KCNIP1: variants seen among roughly 807,000 people sequenced by gnomAD.
The protein encoded by KCNIP1 is A-type potassium channel modulatory protein KCNIP1.
Under a neutral mutation model 33.0 loss-of-function variants are expected in KCNIP1, and 18 were observed. That is an observed-to-expected ratio of 0.55 (90% confidence interval 0.38 to 0.81). KCNIP1 has a LOEUF of 0.81. KCNIP1 is among the 30% of genes least tolerant of loss of function. The pLI is 0.00. For synonymous variants in KCNIP1, 93 were observed against 98.3 expected (o/e 0.95, Z 0.32); for missense variants, 238 against 271.6 (o/e 0.88, Z 0.87).
intron 1 of KCNIP1, among the ~76,000 whole-genome samples, chr5:170,700,585 A>G (rs1187184492): frequency 6.6e-6 from 1 of 152,086 alleles, no homozygotes; most frequent in African/African-American, 2.4e-5. Flanking sequence ...AATATTATTC[A>G]TTTAATATCT....
intron 1 of KCNIP1, among the ~76,000 whole-genome samples, chr5:170,594,029 A>G (rs997930002): frequency 6.6e-6 from 1 of 152,260 alleles, no homozygotes; most frequent in Non-Finnish European, 1.5e-5. Context: ...GAGTCAAGAT[A>G]TAATTCTTGG....
At chr5:170,455,015 T>C (rs1323210328) in intron 1 of KCNIP1, among the ~76,000 whole-genome samples, 1 of 152,182 alleles carries the variant, frequency 6.6e-6, no homozygotes, top group Non-Finnish European at 1.5e-5. Flanking sequence ...ATCAGGAAGA[T>C]ACCACAATTA....
Position 170,495,643 on chromosome 5 carries a change from C to T in KCNIP1, c.88+141679C>T, listed in dbSNP as rs1424673416. 2.0e-5 allele frequency among the ~76,000 whole-genome samples: 3 copies of T among 152,246 alleles called. No individual in the cohort carries two copies. In the East Asian group the frequency reaches 5.8e-4, roughly 29 times the overall value. Reference sequence around the variant, plus strand: ...AGGGCAAACCCCTCTTGCTCCTGCCCTCCAACCAGTCACATATTCTTCCAG... The same window carrying T: ...AGGGCAAACCCCTCTTGCTCCTGCCTTCCAACCAGTCACATATTCTTCCAG... On this transcript the variant is annotated intron_variant, in intron 1 of 7. Coordinates refer to the KCNIP1 transcript ENST00000377360.
intron 1 of KCNIP1, chr5:170,639,591 T>G (rs1353990850): frequency 6.6e-6 from 1 of 152,228 alleles, no homozygotes; most frequent in Admixed American, 6.5e-5. Context: ...CATAAGGTTG[T>G]TCCTTGTAAT....
chr5:170,613,563 A>C (rs1281484580), intron 1 of KCNIP1, among the ~76,000 whole-genome samples: 1 of 152,034 alleles, frequency 6.6e-6, no homozygotes, highest in Admixed American at 6.6e-5. Context: ...CCTGAAGGAG[A>C]TGGGAGGGAG....
At chr5:170,447,380 G>A (rs1039762340) in intron 1 of KCNIP1, among the ~76,000 whole-genome samples, 6 of 152,166 alleles carry the variant, frequency 3.9e-5, no homozygotes, top group African/African-American at 1.2e-4. Flanking sequence ...CATAAAGCTG[G>A]AAATGCCACG....
intron 4 of KCNIP1, 63 bp from the exon 5 acceptor site, chr5:170,722,650 A>G: frequency 8.8e-7 from 1 of 1,135,742 alleles, no homozygotes; most frequent in Non-Finnish European, 1.3e-6. Context: ...TGACCCAAAG[A>G]CACAGCTTCA....
intron 1 of KCNIP1, among the ~76,000 whole-genome samples, chr5:170,587,420 T>TCAAAAAAAAAAAAAAAAAA (rs1419089406): frequency 4.5e-5 from 1 of 22,096 alleles, no homozygotes; most frequent in Non-Finnish European, 8.4e-5. Context: ...AGACTCTGTC[T>TCAAAAAAAAAAAAAAAAAA]CAAAAAAAAA....
rs189929499 is a variant in KCNIP1 at position 170,452,076 on chromosome 5, T to A, written c.88+98112T>A. Among the ~76,000 whole-genome samples the A allele has an allele frequency of 3.3e-3, 505 of 152,284 alleles. 2 individuals carry two copies. Among genetic ancestry groups the A allele is most frequent in the Non-Finnish European group, 5.8e-3 (393 of 68,026 alleles). ...TGACTCCGTCTCCATTCCTCAGGCCTGCTTCCCATGGAAAGACCCAGAGGG... is the reference window on the plus strand; with the variant it reads ...TGACTCCGTCTCCATTCCTCAGGCCAGCTTCCCATGGAAAGACCCAGAGGG... On this transcript the variant is annotated intron_variant, in intron 1 of 7. Coordinates refer to the KCNIP1 transcript ENST00000377360.
At chr5:170,587,616 G>A (rs1758050351) in intron 1 of KCNIP1, among the ~76,000 whole-genome samples, 1 of 152,074 alleles carries the variant, frequency 6.6e-6, no homozygotes, top group South Asian at 2.1e-4. Context: ...TTGTCTCACG[G>A]CCCCTTCCTC....
At chr5:170,663,371 T>A (rs1291976806) in intron 1 of KCNIP1, among the ~76,000 whole-genome samples, 1 of 152,114 alleles carries the variant, frequency 6.6e-6, no homozygotes, top group Non-Finnish European at 1.5e-5. Context: ...AGCTGGTGCA[T>A]GCCATGTTTC....
chr5:170,570,973 AATG>A (rs1276352025), intron 1 of KCNIP1, among the ~76,000 whole-genome samples: 2 of 152,238 alleles, frequency 1.3e-5, no homozygotes, highest in Non-Finnish European at 2.9e-5. Context: ...GAGGCTAAAA[AATG>A]ATAAGTAGTG....
intron 1 of KCNIP1, among the ~76,000 whole-genome samples, chr5:170,631,632 A>G (rs909322460): frequency 2.0e-5 from 3 of 152,212 alleles, no homozygotes; most frequent in Non-Finnish European, 4.4e-5. Flanking sequence ...TGGCTTATGT[A>G]TTTGTCATTG....
intron 1 of KCNIP1, among the ~76,000 whole-genome samples, chr5:170,626,813 A>G (rs1759847632): frequency 6.6e-6 from 1 of 152,190 alleles, no homozygotes; most frequent in African/African-American, 2.4e-5. Flanking sequence ...CTACTTCAGC[A>G]TTTAAAAACC....
intron 1 of KCNIP1, among the ~76,000 whole-genome samples, chr5:170,622,690 G>A (rs1561723610): frequency 2.0e-5 from 3 of 151,890 alleles, no homozygotes; most frequent in Admixed American, 1.3e-4. Flanking sequence ...GACAGGCAGA[G>A]GTTAGTGGGA....
chr5:170,681,217 G>A (rs1472332351), intron 1 of KCNIP1: 6 of 398,900 alleles, frequency 1.5e-5, no homozygotes, highest in Non-Finnish European at 2.7e-5. Context: ...CTGTGAATGT[G>A]TTTTTGTGGC....
rs1010134717 is a variant in KCNIP1, at chr5:170,489,743, G to A, written c.88+135779G>A. On this transcript the variant is annotated intron_variant, in intron 1 of 7. Transcript: ENST00000377360. The surrounding 1 kb of genome is among the most constrained non-coding windows in gnomAD (Gnocchi z 4.3). ...AGAAGTTACCCCCTTTACAACTGAC[G>A]GGAGCTATCCTGGGGAATGAAGCCT... Among the ~76,000 whole-genome samples the A allele has an allele frequency of 1.3e-5, 2 of 152,182 alleles. No homozygotes were observed. Among genetic ancestry groups the A allele is most frequent in the Non-Finnish European group, 2.9e-5 (2 of 68,022 alleles).
At chr5:170,681,406 A>C (rs114178156) in intron 1 of KCNIP1, 8,686 of 341,090 alleles carry the variant, frequency 0.025, 163 homozygotes, top group Non-Finnish European at 0.033. Context: ...GGAGCCAGGA[A>C]GTTAGGGTCT....
chr5:170,695,892 G>A (rs1009147779), intron 1 of KCNIP1, among the ~76,000 whole-genome samples: 29 of 152,092 alleles, frequency 1.9e-4, no homozygotes, highest in African/African-American at 5.8e-4. Context: ...GGTGGCATGC[G>A]CCTGTAATCC....
Sources: gnomAD v4.1 joint callset for allele counts (sites outside exome capture counted in the v4.1 genomes callset) on GRCh38, gnomAD v4.1.1 for gene constraint, Gnocchi (gnomAD v3.1) non-coding constraint, MANE v1.5 for transcripts, NCBI Gene and HGNC (gene_info 2026-07-23, HGNC 2026-07-21) for gene names.